The following SEMA5A variants were observed in gnomAD, a reference collection of about 807,000 sequenced individuals.
SEMA5A encodes the protein semaphorin-5A.
SEMA5A carries 55 observed loss-of-function variants against 135.5 expected under a neutral mutation model. The ratio of observed to expected loss-of-function variants is 0.41; its 90% CI spans 0.33 to 0.51. SEMA5A has a LOEUF of 0.51. SEMA5A is among the 20% of genes least tolerant of loss of function. SEMA5A has a pLI of 0.37. For missense variants in SEMA5A, 1,290 were observed against 1,419.9 expected, an observed-to-expected ratio of 0.91 and a Z score of 1.47; for synonymous variants, 580 against 546.5, an observed-to-expected ratio of 1.06 and a Z score of -0.85.
At chr5:9,387,076 G>C (rs965070643) in intron 2 of SEMA5A, among the ~76,000 whole-genome samples, 6 of 152,220 alleles carry the variant, frequency 3.9e-5, no homozygotes, top group African/African-American at 1.2e-4. Context: ...TGAGATCAAA[G>C]GTGCAGTGAC....
chr5:9,438,603 T>A (rs928774144), intron 1 of SEMA5A, among the ~76,000 whole-genome samples: 3 of 152,192 alleles, frequency 2.0e-5, no homozygotes, highest in African/African-American at 7.2e-5. Flanking sequence ...TCATCACCAG[T>A]GAAGGATGCC....
chr5:9,520,249 T>C (rs1056824573), intron 1 of SEMA5A, among the ~76,000 whole-genome samples: 3 of 152,240 alleles, frequency 2.0e-5, no homozygotes, highest in South Asian at 2.1e-4. Context: ...TTGTCAGGAC[T>C]GGACATACAG....
chr5:9,485,023 A>G (rs1760024177), intron 1 of SEMA5A, among the ~76,000 whole-genome samples: 2 of 152,348 alleles, frequency 1.3e-5, no homozygotes, highest in Middle Eastern at 3.4e-3. Context: ...TTTAAGATAA[A>G]CAGAAGATAT....
At chr5:9,156,182 A>T (rs1202437999) in intron 11 of SEMA5A, among the ~76,000 whole-genome samples, 1 of 152,196 alleles carries the variant, frequency 6.6e-6, no homozygotes, top group African/African-American at 2.4e-5. Flanking sequence ...CAGTTCACAG[A>T]TGTAAGCATG....
In SEMA5A at chr5:9,341,674, T is replaced by TATATA. The variant is rs975557445; in HGVS notation, c.125-3863_125-3862insTATAT. Among the ~76,000 whole-genome samples, 3 of 22,878 alleles carry TATATA rather than the reference T, an allele frequency of 1.3e-4. No individual in the cohort carries two copies. The South Asian group carries it at 7.9e-3, about 60-fold the overall frequency. The allele number at this position is 22,878 out of a possible 152,430, so 15.0% of individuals were successfully genotyped here. A position where few individuals can be genotyped will look rare whatever the true frequency, so the allele number is the denominator to read the frequency against. The stretch of plus-strand genomic sequence containing the variant: ...ATATATATAATATATATAATATATA[T>TATATA]TATATATATATAAAATTGGAAGTTA... On this transcript the variant is annotated intron_variant, in intron 3 of 22. Coordinates refer to ENST00000382496, the MANE Select transcript of SEMA5A (RefSeq NM_003966.3).
chr5:9,299,970 C>G (rs1338174384), intron 5 of SEMA5A, among the ~76,000 whole-genome samples: 1 of 152,064 alleles, frequency 6.6e-6, no homozygotes, highest in Non-Finnish European at 1.5e-5. Context: ...TATTACAGTA[C>G]TGAAATGACA....
At position 9,088,637 on chromosome 5, in the gene SEMA5A, AAT is replaced by A. The variant is rs71611400; in HGVS notation, c.2073+19501_2073+19502del. ...GCAGCAGCAGGAAGCCTACATTTAT[AAT>A]ATATATATATATATATATATACACA... On this transcript the variant is annotated intron_variant, in intron 16 of 22. Coordinates refer to ENST00000382496, the MANE Select transcript of SEMA5A (RefSeq NM_003966.3). Among the ~76,000 whole-genome samples the A allele has an allele frequency of 1.9e-3, 200 of 107,960 alleles. 4 individuals carry two copies. Among genetic ancestry groups the A allele is most frequent in the Middle Eastern group, 4.9e-3 (1 of 206 alleles). The allele number at this position is 107,960 out of a possible 152,430, so 70.8% of individuals were successfully genotyped here.
intron 5 of SEMA5A, among the ~76,000 whole-genome samples, chr5:9,277,781 C>T (rs1329952553): frequency 6.6e-6 from 1 of 151,866 alleles, no homozygotes; most frequent in Non-Finnish European, 1.5e-5. Flanking sequence ...CACATGGACA[C>T]AGGGAGGGGA....
intron 11 of SEMA5A, among the ~76,000 whole-genome samples, chr5:9,170,782 A>T (rs1031589243): frequency 1.3e-5 from 2 of 152,086 alleles, no homozygotes; most frequent in Admixed American, 6.5e-5. Context: ...TTTCTAAATC[A>T]CCCAGTCGAC....
chr5:9,323,868 GC>G (rs1443555297), intron 4 of SEMA5A, among the ~76,000 whole-genome samples: 2 of 151,308 alleles, frequency 1.3e-5, no homozygotes, highest in African/African-American at 4.9e-5. Context: ...CACCATGTTA[GC>G]CAGGCTGGTC....
At position 9,361,206 on chromosome 5, in the gene SEMA5A, C is replaced by T. The variant is rs780388464; in HGVS notation, c.124+18617G>A. The stretch of plus-strand genomic sequence containing the variant: ...CCCAGCTACTCGGGAGGCTGTGGCA[C>T]GAGAATCACTTGAACCCAGGAGGCA... On this transcript the variant is annotated intron_variant, in intron 3 of 22. Transcript: ENST00000382496. 3.3e-5 allele frequency among the ~76,000 whole-genome samples: 5 copies of T among 151,064 alleles called. No individual in the cohort carries two copies. The South Asian group carries it at 6.3e-4, about 19-fold the overall frequency.
intron 1 of SEMA5A, among the ~76,000 whole-genome samples, chr5:9,438,056 C>T (rs1256935746): frequency 6.6e-6 from 1 of 152,150 alleles, no homozygotes; most frequent in Non-Finnish European, 1.5e-5. Context: ...CTAATGGATT[C>T]TTTTTCTTCA....
intron 3 of SEMA5A, among the ~76,000 whole-genome samples, chr5:9,351,646 C>T (rs1314188375): frequency 6.6e-6 from 1 of 152,126 alleles, no homozygotes; most frequent in Non-Finnish European, 1.5e-5. Flanking sequence ...AGCCAAAATG[C>T]AATCTGGTTT....
At chr5:9,217,034 G>C (rs529270065) in intron 8 of SEMA5A, among the ~76,000 whole-genome samples, 2 of 152,134 alleles carry the variant, frequency 1.3e-5, no homozygotes, top group African/African-American at 4.8e-5. Flanking sequence ...GTTGTTAGCT[G>C]GTTATTATGT....
chr5:9,375,716 A>G (rs979662337), intron 3 of SEMA5A, among the ~76,000 whole-genome samples: 4 of 151,356 alleles, frequency 2.6e-5, no homozygotes, highest in Non-Finnish European at 4.4e-5. Flanking sequence ...AGCAACCAGG[A>G]AAGTCCCAGG....
chr5:9,159,232 T>C (rs1417239745), intron 11 of SEMA5A, among the ~76,000 whole-genome samples: 1 of 152,208 alleles, frequency 6.6e-6, no homozygotes, highest in East Asian at 1.9e-4. Flanking sequence ...GAAATGCCTT[T>C]TCACTTCAAT....
rs1735844485 is a variant in SEMA5A at position 9,039,513 on chromosome 5, T to TATTA, written c.*3380_*3383dup. On this transcript the variant is annotated 3_prime_UTR_variant, in exon 23 of 23. Coordinates refer to ENST00000382496, the MANE Select transcript of SEMA5A (RefSeq NM_003966.3). ...AGAACCTCAGCCCCACACATACATT[T>TATTA]ATTAAATGTTCTTTTCTTCTCAAAT... 6.6e-6 allele frequency: 1 copy of TATTA among 152,250 alleles called. No individual in the cohort carries two copies. The highest frequency in any genetic ancestry group is 2.1e-4 in the South Asian group (1 of 4,834). The allele number at this position is 152,250 out of a possible 1,614,324, so 9.4% of individuals were successfully genotyped here. A position where few individuals can be genotyped will look rare whatever the true frequency, so the allele number is the denominator to read the frequency against.
intron 8 of SEMA5A, among the ~76,000 whole-genome samples, chr5:9,223,634 A>G (rs1747129843): frequency 6.6e-6 from 1 of 152,234 alleles, no homozygotes; most frequent in Non-Finnish European, 1.5e-5. Context: ...CTACATAATT[A>G]GCTGATATGT....
chr5:9,272,059 T>C (rs1218527098), intron 5 of SEMA5A, among the ~76,000 whole-genome samples: 4 of 152,002 alleles, frequency 2.6e-5, no homozygotes, highest in African/African-American at 9.7e-5. Context: ...GGGAGCCAAG[T>C]GGTCTGGCTT....
Sources: gnomAD v4.1 joint callset for allele counts (sites outside exome capture counted in the v4.1 genomes callset) on GRCh38, gnomAD v4.1.1 for gene constraint, MANE v1.5 for transcripts, NCBI Gene and HGNC (gene_info 2026-07-23, HGNC 2026-07-21) for gene names.